NFASC: variants seen among roughly 807,000 people sequenced by gnomAD.
NFASC encodes neurofascin homolog.
NFASC carries 43 observed loss-of-function variants against 147.5 expected under a neutral mutation model. The observed-to-expected ratio is 0.29, with a 90% confidence interval of 0.23 to 0.38. The LOEUF (loss-of-function observed/expected upper bound fraction) is 0.38, where lower values mean the gene tolerates loss of function less well. Ranked by LOEUF, NFASC falls within the 10% of genes least tolerant of loss-of-function variation. The pLI is 1.00. For missense variants in NFASC, 1,320 were observed against 1,689.0 expected (o/e 0.78, Z 3.83); for synonymous variants, 622 against 665.5 (o/e 0.93, Z 1.01).
At chr1:204,976,571 TG>T in intron 15 of NFASC, 99 bp from the exon 16 acceptor site, 1 of 840,122 alleles carries the variant, frequency 1.2e-6, no homozygotes. Flanking sequence ...GAGCTTCCCT[TG>T]CCCTCCTGAC....
rs542960894 is a variant in NFASC at position 205,016,711 on chromosome 1, C to A, written c.*172C>A. ...AGCCACCAAGCCACCCACAAGCCCC[C>A]TCCCAATGACCCCCCTTCAGCCCCG... On this transcript the variant is annotated 3_prime_UTR_variant, in exon 30 of 30. Transcript: ENST00000339876. The surrounding 1 kb of genome is among the most constrained non-coding windows in gnomAD (Gnocchi z 5.1). 18 of 683,742 alleles carry A rather than the reference C, an allele frequency of 2.6e-5. No individual in the cohort carries two copies. Among genetic ancestry groups the A allele is most frequent in the Non-Finnish European group, 4.8e-5 (18 of 374,178 alleles). 42.4% of individuals were successfully genotyped at this position (683,742 alleles called of 1,614,324 possible).
chr1:205,004,164 G>A (rs2096059503), intron 27 of NFASC, among the ~76,000 whole-genome samples: 1 of 152,246 alleles, frequency 6.6e-6, no homozygotes, highest in Non-Finnish European at 1.5e-5. Context: ...GCAGCAAAAA[G>A]CAAAGATGAT....
chr1:204,949,253 T>C (rs2093966541), intron 3 of NFASC, among the ~76,000 whole-genome samples: 1 of 152,240 alleles, frequency 6.6e-6, no homozygotes, highest in Non-Finnish European at 1.5e-5. Context: ...CTGGGATCTC[T>C]CTTCCCTTCC....
At chr1:204,984,013 C>T in intron 21 of NFASC, 1 of 1,589,880 alleles carries the variant, frequency 6.3e-7, no homozygotes, top group African/African-American at 1.3e-5. Flanking sequence ...GCTCTCTGTC[C>T]CAACACATTG....
intron 27 of NFASC, among the ~76,000 whole-genome samples, chr1:205,007,787 G>T (rs1329430478): frequency 6.6e-6 from 1 of 152,202 alleles, no homozygotes; most frequent in Admixed American, 6.5e-5. Flanking sequence ...GGACTAGAGA[G>T]ATGGCCAGGG....
intron 1 of NFASC, among the ~76,000 whole-genome samples, chr1:204,909,583 C>A (rs561809409): frequency 5.6e-4 from 86 of 152,258 alleles, no homozygotes; most frequent in African/African-American, 2.0e-3. Flanking sequence ...TTCAGTTTAT[C>A]CATAAATTGT....
At chr1:205,007,265 A>T (rs1002246154) in intron 27 of NFASC, among the ~76,000 whole-genome samples, 2 of 152,016 alleles carry the variant, frequency 1.3e-5, no homozygotes, top group African/African-American at 4.8e-5. Flanking sequence ...GCATGGTGAC[A>T]TGCACTCGTA....
At position 204,976,675 on chromosome 1, in the gene NFASC, A is replaced by G. The variant is rs991738265; in HGVS notation, c.1711A>G (p.Lys571Glu). The G allele has an allele frequency of 1.2e-6, 2 of 1,612,650 alleles. No individual in the cohort carries two copies. Among genetic ancestry groups the G allele is most frequent in the Non-Finnish European group, 8.5e-7 (1 of 1,178,982 alleles). ...DEPLYIGNRM[K>E]KEDDSLTIFG... ...CCTTCCTCGGTACCTTTGCAGGATGAAGAAGGAAGACGACTCCCTGACCAT... is the reference window on the plus strand; with the variant it reads ...CCTTCCTCGGTACCTTTGCAGGATGGAGAAGGAAGACGACTCCCTGACCAT... The change falls in exon 16 of 30, where the codon AAG becomes GAG. Residue 571 changes from lysine to glutamate, a missense_variant. This residue lies in a region of NFASC where 981 missense variants were observed against 1,289.5 expected (regional missense o/e 0.76). Transcript: ENST00000339876.
chr1:204,916,696 T>G (rs1336837289), intron 1 of NFASC, among the ~76,000 whole-genome samples: 1 of 149,164 alleles, frequency 6.7e-6, no homozygotes, highest in Non-Finnish European at 1.5e-5. Context: ...TTGACTCACA[T>G]GGATTCTTTT....
chr1:204,837,197 C>CA (rs1344131347), intron 1 of NFASC, among the ~76,000 whole-genome samples: 1 of 152,208 alleles, frequency 6.6e-6, no homozygotes, highest in Non-Finnish European at 1.5e-5. Context: ...TTTGGGATGT[C>CA]AGACAACAGA....
Position 204,901,174 on chromosome 1 carries a change from A to G in NFASC, c.-199-19458A>G, listed in dbSNP as rs1261545492. 2.6e-5 allele frequency among the ~76,000 whole-genome samples: 4 copies of G among 152,166 alleles called. 1 individual carries two copies. The highest frequency in any genetic ancestry group is 6.3e-3 in the Middle Eastern group (2 of 316). On this transcript the variant is annotated intron_variant, in intron 1 of 29. Transcript: ENST00000339876. ...CTCCGAGATGCCTGTTAGAAATACAACTGGACATGTCAAGTAGGCAGTTGG... is the reference window on the plus strand; with the variant it reads ...CTCCGAGATGCCTGTTAGAAATACAGCTGGACATGTCAAGTAGGCAGTTGG...
At chr1:204,846,536 G>C (rs1052645607) in intron 1 of NFASC, among the ~76,000 whole-genome samples, 5 of 152,060 alleles carry the variant, frequency 3.3e-5, no homozygotes, top group Non-Finnish European at 5.9e-5. Context: ...GTTCTCTCCT[G>C]GGCCTCTGTG....
At chr1:205,002,863 C>A in intron 27 of NFASC, 115 bp downstream of exon 27, 1 of 803,310 alleles carries the variant, frequency 1.2e-6, no homozygotes, top group East Asian at 3.1e-5. Context: ...ACCCCATTTC[C>A]CACCTTGCAT....
Position 204,975,884 on chromosome 1 carries a change from C to G in NFASC, c.1706+466C>G, listed in dbSNP as rs547422604. Among the ~76,000 whole-genome samples, 114 of 152,276 alleles carry G rather than the reference C, an allele frequency of 7.5e-4. No homozygotes were observed. Among genetic ancestry groups the G allele is most frequent in the African/African-American group, 2.4e-3 (99 of 41,568 alleles). ...TGAACCTGGCATGCTTTTACCACAC[C>G]CACGCCTGCCCCGCTCCTCAGACCC... On this transcript the variant is annotated intron_variant, in intron 15 of 29. Transcript: ENST00000339876. This position sits in a 1 kb window ranked among gnomAD's most constrained non-coding sequence, Gnocchi z 4.0.
chr1:204,969,483 G>A (rs751001701), intron 10 of NFASC, among the ~76,000 whole-genome samples: 15 of 152,156 alleles, frequency 9.9e-5, no homozygotes, highest in Admixed American at 6.5e-4. Flanking sequence ...AGCACGTGTC[G>A]TCATGGGTCC....
At chr1:204,836,126 T>C (rs1673716766) in intron 1 of NFASC, among the ~76,000 whole-genome samples, 2 of 152,054 alleles carry the variant, frequency 1.3e-5, no homozygotes, top group East Asian at 1.9e-4. Context: ...ATTCTCTGAG[T>C]TGTGTATTGG....
At position 204,987,374 on chromosome 1, in the gene NFASC, G is replaced by T. The variant is rs1558381257; in HGVS notation, c.2471-44G>T. On this transcript the variant is annotated intron_variant, in intron 21 of 29. Coordinates refer to ENST00000339876, the MANE Select transcript of NFASC (RefSeq NM_001005388.3). This position sits in a 1 kb window ranked among gnomAD's most constrained non-coding sequence, Gnocchi z 4.4. The stretch of plus-strand genomic sequence containing the variant: ...TTTTTGTGTTTTCCTCATCCTCCCT[G>T]CCCCCTCCCCCTCATCTCCCCTGCT... The T allele has an allele frequency of 6.3e-7, 1 of 1,581,058 alleles. No homozygotes were observed. The highest frequency in any genetic ancestry group is 1.7e-5 in the Admixed American group (1 of 57,184).
intron 1 of NFASC, among the ~76,000 whole-genome samples, chr1:204,917,037 G>A (rs897359152): frequency 5.3e-5 from 8 of 152,150 alleles, no homozygotes; most frequent in African/African-American, 1.4e-4. Flanking sequence ...GCAACATAGT[G>A]AGACCTCATC....
chr1:204,886,770 G>A (rs78620970), intron 1 of NFASC, among the ~76,000 whole-genome samples: 1,980 of 152,274 alleles, frequency 0.013, 22 homozygotes, highest in Non-Finnish European at 0.022. Context: ...GTTGGAACTG[G>A]AGCCCAGGGA....
Sources: gnomAD v4.1 joint callset for allele counts (sites outside exome capture counted in the v4.1 genomes callset) on GRCh38, gnomAD v4.1.1 for gene constraint, gnomAD v4.1.1 regional missense constraint, Gnocchi (gnomAD v3.1) non-coding constraint, MANE v1.5 for transcripts, NCBI Gene and HGNC (gene_info 2026-07-23, HGNC 2026-07-21) for gene names.